MIA2: variants seen among roughly 807,000 people sequenced by gnomAD.
MIA2 encodes MIA SH3 domain ER export factor 2.
In MIA2, 127 loss-of-function variants were observed where a neutral mutation model predicts 167.8. That is an observed-to-expected ratio of 0.76 (90% CI 0.66 to 0.88). MIA2 has a LOEUF of 0.88. MIA2 is among the 40% of genes least tolerant of loss of function. The pLI is 0.00. For synonymous variants in MIA2, 552 were observed against 541.9 expected (o/e 1.02, Z -0.26); for missense variants, 1,690 against 1,624.7 (o/e 1.04, Z -0.69).
intron 26 of MIA2, 22 bp downstream of exon 26, chr14:39,346,048 T>A (rs1252422084): frequency 9.0e-6 from 12 of 1,340,420 alleles, no homozygotes; most frequent in African/African-American, 4.5e-5. Flanking sequence ...TTTGTGCTTT[T>A]CTTCTTTAAA....
chr14:39,308,329 T>G (rs775938947), intron 17 of MIA2, 120 bp from the exon 18 acceptor site: 150 of 619,408 alleles, frequency 2.4e-4, no homozygotes, highest in Non-Finnish European at 3.5e-4. Context: ...GATTTTCTGT[T>G]ATTGGAAAGA....
chr14:39,363,542 C>A (rs1046768566), intron 23 of MIA2, among the ~76,000 whole-genome samples: 8 of 152,042 alleles, frequency 5.3e-5, no homozygotes, highest in Non-Finnish European at 2.9e-5. Context: ...TAAAAAAAAT[C>A]TGATGTTTCT....
chr14:39,262,710 C>T (rs992553948), intron 6 of MIA2, among the ~76,000 whole-genome samples: 1 of 152,156 alleles, frequency 6.6e-6, no homozygotes, highest in South Asian at 2.1e-4. Flanking sequence ...GTTTGTAGTT[C>T]TCCTTGAAGA....
chr14:39,283,280 G>T (rs1023528303), intron 9 of MIA2, among the ~76,000 whole-genome samples: 5 of 152,160 alleles, frequency 3.3e-5, no homozygotes, highest in African/African-American at 1.2e-4. Context: ...GGATATAGTA[G>T]CTCTATTTTA....
chr14:39,304,130 G>A (rs995514105), intron 16 of MIA2, among the ~76,000 whole-genome samples, 161 bp from the exon 17 acceptor site: 12 of 151,972 alleles, frequency 7.9e-5, no homozygotes, highest in Non-Finnish European at 1.3e-4. Flanking sequence ...TTTTTAAGAC[G>A]GAAGCTGCAT....
chr14:39,286,178 T>TC (rs1286010443), intron 9 of MIA2, among the ~76,000 whole-genome samples: 1 of 152,226 alleles, frequency 6.6e-6, no homozygotes, highest in African/African-American at 2.4e-5. Flanking sequence ...TGAACGAGAC[T>TC]CCATCTGCAA....
rs1360203694 is a variant in MIA2 at position 39,309,199 on chromosome 14, CCTT to C, written c.3017+616_3017+618del. ...ATTATAGTAGCCTTATGGGTAGTCT[CCTT>C]CTTTCCGCCCTTTCTCCTGCACTGT... is the stretch of plus-strand genomic sequence containing the variant. On this transcript the variant is annotated intron_variant, in intron 18 of 28. Transcript: ENST00000640607. Among the ~76,000 whole-genome samples the C allele has an allele frequency of 3.3e-5, 5 of 152,188 alleles. No homozygotes were observed. The East Asian group carries it at 5.8e-4, about 18-fold the overall frequency.
intron 9 of MIA2, among the ~76,000 whole-genome samples, chr14:39,289,550 T>A (rs755279557): frequency 6.6e-6 from 1 of 152,216 alleles, no homozygotes; most frequent in Admixed American, 6.5e-5. Context: ...ATTAATTTCC[T>A]TTTGCTGCTG....
rs143665299 is a variant in MIA2, at chr14:39,338,276, G to T, written c.3656-7628G>T. 1.3e-3 allele frequency among the ~76,000 whole-genome samples: 199 copies of T among 152,318 alleles called. 1 individual carries two copies. The highest frequency in any genetic ancestry group is 4.6e-3 in the African/African-American group (190 of 41,564). The stretch of plus-strand genomic sequence containing the variant: ...TTTCTGGCTGTTACAATACACTATA[G>T]TTATGAAAGACGTAAACATTGAGTA... On this transcript the variant is annotated intron_variant, in intron 25 of 28. Transcript: ENST00000640607.
At chr14:39,359,484 G>C (rs564130324) in intron 23 of MIA2, among the ~76,000 whole-genome samples, 56 of 152,274 alleles carry the variant, frequency 3.7e-4, no homozygotes, top group African/African-American at 1.3e-3. Flanking sequence ...GGAGTTCCCT[G>C]ACTCCTTGCG....
intron 13 of MIA2, among the ~76,000 whole-genome samples, chr14:39,299,625 G>A (rs1408435732): frequency 1.3e-5 from 2 of 152,094 alleles, no homozygotes; most frequent in Non-Finnish European, 2.9e-5. Context: ...GGGATATAAG[G>A]AATGGTAAGA....
intron 26 of MIA2, chr14:39,347,408 G>C (rs1472312747): frequency 2.4e-5 from 8 of 334,834 alleles, no homozygotes; most frequent in Non-Finnish European, 3.3e-5. Flanking sequence ...CATAAAAGGA[G>C]GGAGGAGGAA....
intron 6 of MIA2, chr14:39,265,551 G>A (rs2055470684): frequency 4.5e-6 from 3 of 661,222 alleles, no homozygotes; most frequent in Non-Finnish European, 7.5e-6. Context: ...TTTATCCTCT[G>A]TCCTTAATAT....
chr14:39,359,477 G>A (rs926927819), intron 23 of MIA2, among the ~76,000 whole-genome samples: 15 of 152,170 alleles, frequency 9.9e-5, no homozygotes, highest in African/African-American at 2.4e-4. Context: ...AGGAAAGGGA[G>A]TTCCCTGACT....
chr14:39,261,192 A>G (rs1022601292), intron 6 of MIA2, among the ~76,000 whole-genome samples: 7 of 150,944 alleles, frequency 4.6e-5, no homozygotes, highest in Non-Finnish European at 1.0e-4. Context: ...TCCTGTGTCC[A>G]TGTGTTCTCA....
At chr14:39,259,722 T>TTTG (rs2054995732) in intron 6 of MIA2, among the ~76,000 whole-genome samples, 1 of 105,418 alleles carries the variant, frequency 9.5e-6, no homozygotes, top group Non-Finnish European at 1.9e-5. Context: ...TTTTTTTTTT[T>TTTG]AAATACTTTA....
At position 39,247,646 on chromosome 14, in the gene MIA2, A is replaced by T. The variant is rs566240379; in HGVS notation, c.1072A>T (p.Ile358Leu). The T allele has an allele frequency of 4.3e-6, 7 of 1,610,448 alleles. No individual in the cohort carries two copies. In the Admixed American group the frequency reaches 1.0e-4, roughly 23 times the overall value. Residue 358 changes from isoleucine to leucine, a missense_variant, in exon 4 of 29, where the codon ATA (isoleucine) becomes TTA (leucine). Transcript: ENST00000640607. ...DKEATVPCTE[I>L]LTEKKDTITN... ...AGAAGCCACAGTTCCATGTACAGAA[A>T]TATTAACAGAAAAAAAAGACACAAT...
chr14:39,266,397 T>G (rs2055638842), intron 6 of MIA2: 1 of 985,052 alleles, frequency 1.0e-6, no homozygotes, highest in African/African-American at 1.8e-5. Flanking sequence ...TACTTTTAGC[T>G]CCTCTTCTCG....
intron 25 of MIA2, among the ~76,000 whole-genome samples, chr14:39,328,381 A>G (rs1033668615): frequency 2.0e-5 from 3 of 151,938 alleles, no homozygotes; most frequent in African/African-American, 7.3e-5. Context: ...TGTCAGATGG[A>G]TAGATTGCAA....
Sources: allele counts gnomAD v4.1 joint callset (sites outside exome capture counted in the v4.1 genomes callset), GRCh38; gene constraint gnomAD v4.1.1; transcripts MANE v1.5; gene names NCBI Gene and HGNC (gene_info 2026-07-23, HGNC 2026-07-21).